The following ADAMTS16 variants were observed in gnomAD, a reference collection of about 807,000 sequenced individuals.
ADAMTS16 encodes the protein A disintegrin and metalloproteinase with thrombospondin motifs 16.
ADAMTS16 carries 94 observed loss-of-function variants against 145.8 expected under a neutral mutation model. That is an observed-to-expected ratio of 0.64 (90% CI 0.55 to 0.77). The LOEUF (loss-of-function observed/expected upper bound fraction) is 0.77, where lower values mean the gene tolerates loss of function less well. Ranked by LOEUF, ADAMTS16 falls within the 30% of genes least tolerant of loss-of-function variation. The pLI is 0.00. For synonymous variants in ADAMTS16, 659 were observed against 604.3 expected (o/e 1.09, Z -1.33); for missense variants, 1,585 against 1,591.5 (o/e 1.00, Z 0.07).
At chr5:5,309,160 T>A (rs1740311069) in intron 21 of ADAMTS16, among the ~76,000 whole-genome samples, 1 of 152,210 alleles carries the variant, frequency 6.6e-6, no homozygotes, top group South Asian at 2.1e-4. Flanking sequence ...AATCTGAGGA[T>A]GCACAAGTTC....
chr5:5,199,269 A>T (rs1486215524), intron 8 of ADAMTS16, among the ~76,000 whole-genome samples: 1 of 152,122 alleles, frequency 6.6e-6, no homozygotes, highest in African/African-American at 2.4e-5. Context: ...AGGTGTTATT[A>T]AGGGAGTGTT....
intron 3 of ADAMTS16, among the ~76,000 whole-genome samples, chr5:5,162,728 GAA>G (rs982172270): frequency 2.7e-5 from 4 of 149,554 alleles, no homozygotes; most frequent in African/African-American, 7.5e-5. Flanking sequence ...GAGAGAGAGA[GAA>G]AAAGAGAGAG....
intron 3 of ADAMTS16, among the ~76,000 whole-genome samples, chr5:5,164,398 C>T (rs1734811801): frequency 6.6e-6 from 1 of 152,242 alleles, no homozygotes; most frequent in African/African-American, 2.4e-5. Flanking sequence ...CACATGACGC[C>T]TTCCTGGCAC....
In ADAMTS16 at chr5:5,220,074, A is replaced by G. The variant is rs1043103474; in HGVS notation, c.1606-2715A>G. 3.3e-5 allele frequency among the ~76,000 whole-genome samples: 5 copies of G among 152,048 alleles called. No individual in the cohort carries two copies. In the East Asian group the frequency reaches 9.6e-4, roughly 29 times the overall value. On this transcript the variant is annotated intron_variant, in intron 10 of 22. Transcript: ENST00000274181. ...ACAGGAGCAAATGACTACATGTTCC[A>G]TGTGCCCAGAAAGCATTTATTGAAA... is the stretch of plus-strand genomic sequence containing the variant.
intron 20 of ADAMTS16, among the ~76,000 whole-genome samples, chr5:5,305,151 A>G (rs1311808154): frequency 1.3e-5 from 1 of 74,416 alleles, no homozygotes; most frequent in Non-Finnish European, 2.6e-5. Context: ...ATCCCACACC[A>G]CACACACACA....
At chr5:5,278,021 G>T (rs1353359566) in intron 18 of ADAMTS16, among the ~76,000 whole-genome samples, 2 of 152,088 alleles carry the variant, frequency 1.3e-5, no homozygotes, top group East Asian at 1.9e-4. Context: ...GTAAAGAGAA[G>T]AATCTGTTTA....
In ADAMTS16 at chr5:5,140,487, G is replaced by A. The variant is rs779152468; in HGVS notation, c.20G>A (p.Gly7Glu). Residue 7 changes from glycine to glutamate, a missense_variant, in exon 1 of 23, where the codon GGA becomes GAA. By Grantham distance (98) the Gly-to-Glu change is moderately conservative. Transcript: ENST00000274181. Reference protein sequence around the residue: MKPRARGWRGLAALWML... With the variant: MKPRAREWRGLAALWML... Reference sequence around the variant, plus strand: ...TCCTGGATGAAGCCCCGCGCGCGCGGATGGCGGGGCTTGGCGGCGCTGTGG... The same window carrying A: ...TCCTGGATGAAGCCCCGCGCGCGCGAATGGCGGGGCTTGGCGGCGCTGTGG... 10 of 1,517,272 alleles carry A rather than the reference G, an allele frequency of 6.6e-6. No homozygotes were observed. The highest frequency in any genetic ancestry group is 8.8e-6 in the Non-Finnish European group (10 of 1,142,552). The allele number at this position is 1,517,272 out of a possible 1,614,324, so 94.0% of individuals were successfully genotyped here. A position where few individuals can be genotyped will look rare whatever the true frequency, so the allele number is the denominator to read the frequency against.
chr5:5,146,180 TC>T lies in ADAMTS16; in HGVS notation c.229del (p.His77MetfsTer25), dbSNP rs1734288251. 1 of 1,614,220 alleles carries T rather than the reference TC, an allele frequency of 6.2e-7. No individual in the cohort carries two copies. Among genetic ancestry groups the T allele is most frequent in the East Asian group, 2.2e-5 (1 of 44,890 alleles). ...GGTTGACCACAGGGGCGATTACGTGTCCCATGAAATCATGCACCATCAGCGG... is the reference window on the plus strand; with the variant it reads ...GGTTGACCACAGGGGCGATTACGTGTCCATGAAATCATGCACCATCAGCGG... ...YEVDHRGDYV[S>X]HEIMHHQRRR... On this transcript the variant is annotated frameshift_variant, in exon 3 of 23. Coordinates refer to ENST00000274181, the MANE Select transcript of ADAMTS16 (RefSeq NM_139056.4). LOFTEE classifies it high-confidence loss of function.
intron 10 of ADAMTS16, among the ~76,000 whole-genome samples, chr5:5,220,523 G>A (rs998115708): frequency 3.2e-4 from 49 of 152,066 alleles, no homozygotes; most frequent in Non-Finnish European, 4.0e-4. Context: ...AAACAGCCCT[G>A]TGAATTAGGA....
rs1740375385 is a variant in ADAMTS16, at chr5:5,310,378, G to A, written c.3411+3650G>A. On this transcript the variant is annotated intron_variant, in intron 21 of 22. Transcript: ENST00000274181. This position sits in a 1 kb window ranked among gnomAD's most constrained non-coding sequence, Gnocchi z 4.3. ...AGGGACCCCACACTGTGTCTCATTG[G>A]CAGCGTCCTGCGCTGAGTAATGTCT... Among the ~76,000 whole-genome samples the A allele has an allele frequency of 6.6e-6, 1 of 152,132 alleles. No individual in the cohort carries two copies. The highest frequency in any genetic ancestry group is 1.5e-5 in the Non-Finnish European group (1 of 68,032).
chr5:5,155,498 A>G (rs2126518224), intron 3 of ADAMTS16, among the ~76,000 whole-genome samples: 1 of 152,346 alleles, frequency 6.6e-6, no homozygotes, highest in South Asian at 2.1e-4. Flanking sequence ...AAAGCACCCT[A>G]GACAACAACT....
At chr5:5,231,181 C>G (rs1039781389) in intron 11 of ADAMTS16, among the ~76,000 whole-genome samples, 24 of 152,044 alleles carry the variant, frequency 1.6e-4, no homozygotes, top group Non-Finnish European at 2.6e-4. Flanking sequence ...TGTTCTACAC[C>G]GGGTGGGAGG....
chr5:5,290,659 A>G (rs1164613238), intron 18 of ADAMTS16, among the ~76,000 whole-genome samples: 1 of 152,184 alleles, frequency 6.6e-6, no homozygotes, highest in Non-Finnish European at 1.5e-5. Context: ...TCAAAGAAAA[A>G]AAAGGTGTTG....
intron 3 of ADAMTS16, among the ~76,000 whole-genome samples, chr5:5,166,708 A>G (rs1275498998): frequency 1.3e-5 from 2 of 152,250 alleles, no homozygotes; most frequent in African/African-American, 4.8e-5. Context: ...AGAAAATCCC[A>G]AAACTTTGAG....
chr5:5,268,915 G>A (rs115711855), intron 18 of ADAMTS16, among the ~76,000 whole-genome samples: 1 of 152,224 alleles, frequency 6.6e-6, no homozygotes, highest in African/African-American at 2.4e-5. Context: ...GAGAAGGACT[G>A]CGCTCCCCGA....
intron 8 of ADAMTS16, among the ~76,000 whole-genome samples, chr5:5,194,199 C>G (rs1220107855): frequency 6.6e-6 from 1 of 152,128 alleles, no homozygotes; most frequent in Non-Finnish European, 1.5e-5. Flanking sequence ...TCTTGAACAC[C>G]TGACTTCTTC....
chr5:5,146,093 G>A (rs372950561), intron 2 of ADAMTS16, 37 bp from the exon 3 acceptor site: 802 of 1,563,602 alleles, frequency 5.1e-4, no homozygotes, highest in Non-Finnish European at 6.6e-4. Context: ...TCGGAATTCC[G>A]AAATGACTCA....
intron 16 of ADAMTS16, among the ~76,000 whole-genome samples, 186 bp downstream of exon 16, chr5:5,240,111 G>C (rs1230955374): frequency 6.6e-6 from 1 of 152,320 alleles, no homozygotes; most frequent in South Asian, 2.1e-4. Context: ...GTATGATTAC[G>C]TTTGTATTTA....
intron 18 of ADAMTS16, among the ~76,000 whole-genome samples, chr5:5,301,780 G>A (rs867020692): frequency 4.6e-5 from 7 of 152,190 alleles, no homozygotes; most frequent in African/African-American, 1.7e-4. Flanking sequence ...GCAAGTCACT[G>A]TTGCCCTAAC....
Sources: gnomAD v4.1 joint callset for allele counts (sites outside exome capture counted in the v4.1 genomes callset) on GRCh38, gnomAD v4.1.1 for gene constraint, Gnocchi (gnomAD v3.1) non-coding constraint, MANE v1.5 for transcripts, NCBI Gene and HGNC (gene_info 2026-07-23, HGNC 2026-07-21) for gene names.